The following DST variants were observed in gnomAD, a reference collection of about 807,000 sequenced individuals.
DST encodes the protein dystonin.
Under a neutral mutation model 875.2 loss-of-function variants are expected in DST, and 253 were observed. The observed-to-expected ratio is 0.29, with a 90% CI of 0.26 to 0.32. The LOEUF is 0.32. Ranked by LOEUF, DST falls within the 10% of genes least tolerant of loss-of-function variation. DST has a pLI of 1.00. For synonymous variants in DST, 3,124 were observed against 3,197.1 expected, an observed-to-expected ratio of 0.98 and a Z score of 0.77; for missense variants, 8,287 against 9,111.6, an observed-to-expected ratio of 0.91 and a Z score of 3.68.
At chr6:56,823,121 T>G (rs1237813833) in intron 4 of DST, among the ~76,000 whole-genome samples, 1 of 151,876 alleles carries the variant, frequency 6.6e-6, no homozygotes, top group East Asian at 1.9e-4. Flanking sequence ...GTGGTGAGCC[T>G]ACACTATCTC....
chr6:56,527,432 G>A, intron 68 of DST, 61 bp downstream of exon 68: 1 of 1,539,780 alleles, frequency 6.5e-7, no homozygotes, highest in South Asian at 1.3e-5. Context: ...TTTTATTTTT[G>A]TGTGAATAAG....
At chr6:56,574,501 A>C (rs1562899303) in intron 50 of DST, among the ~76,000 whole-genome samples, 1 of 152,224 alleles carries the variant, frequency 6.6e-6, no homozygotes, top group Non-Finnish European at 1.5e-5. Flanking sequence ...ATGAAAATCC[A>C]TTTAAAGTTA....
intron 5 of DST, among the ~76,000 whole-genome samples, chr6:56,709,483 T>C (rs970219673): frequency 1.4e-4 from 21 of 152,006 alleles, no homozygotes; most frequent in Admixed American, 3.9e-4. Context: ...AGAATCATTA[T>C]ATAACTGCTT....
At chr6:56,772,133 T>C (rs1459357735) in intron 4 of DST, among the ~76,000 whole-genome samples, 1 of 152,198 alleles carries the variant, frequency 6.6e-6, no homozygotes, top group Non-Finnish European at 1.5e-5. Context: ...AAAGCTGACA[T>C]GTCAAAATCT....
chr6:56,482,099 A>G lies in DST; in HGVS notation c.21482T>C (p.Val7161Ala). ...EAEQTLRFHG[V>A]LPDDEDALRT... The stretch of plus-strand genomic sequence containing the variant: ...GAGAGCATCCTCATCATCTGGGAGG[A>G]CACCATGGAAACGCAGGGTTTGCTC... The change falls in exon 90 of 104, where the codon GTC (valine) becomes GCC (alanine). Residue 7161 changes from valine to alanine, a missense_variant. Physicochemically the swap from Val to Ala is moderately conservative, Grantham distance 64. Coordinates refer to ENST00000680361, the MANE Select transcript of DST (RefSeq NM_001374736.1). The G allele has an allele frequency of 1.2e-6, 2 of 1,613,726 alleles. No homozygotes were observed. The highest frequency in any genetic ancestry group is 1.7e-6 in the Non-Finnish European group (2 of 1,179,792).
At chr6:56,871,787 A>G (rs1336698731) in intron 3 of DST, 9 of 339,516 alleles carry the variant, frequency 2.7e-5, no homozygotes, top group Non-Finnish European at 4.9e-5. Context: ...AAAAAAAAAA[A>G]AAAAAAAAGA....
At chr6:56,721,592 G>A (rs111296464) in intron 5 of DST, among the ~76,000 whole-genome samples, 2,024 of 152,238 alleles carry the variant, frequency 0.013, 40 homozygotes, top group African/African-American at 0.046. Context: ...CCTGACTTCC[G>A]GCAACAGAGA....
intron 4 of DST, among the ~76,000 whole-genome samples, chr6:56,738,567 G>A (rs991217983): frequency 7.2e-5 from 11 of 152,020 alleles, no homozygotes; most frequent in East Asian, 1.9e-4. Flanking sequence ...TGATCGGCCC[G>A]CCTCAGCCTC....
chr6:56,696,363 T>C (rs1405914880), intron 9 of DST, among the ~76,000 whole-genome samples: 1 of 152,118 alleles, frequency 6.6e-6, no homozygotes, highest in African/African-American at 2.4e-5. Context: ...GGTTTCTCCA[T>C]GTTGGTCAGG....
intron 2 of DST, among the ~76,000 whole-genome samples, chr6:56,950,013 T>C (rs993005689): frequency 2.0e-5 from 3 of 152,196 alleles, no homozygotes; most frequent in African/African-American, 7.2e-5. Context: ...TTCAGTATTA[T>C]AAGAAATGTC....
At chr6:56,907,195 C>T (rs1357962041) in intron 2 of DST, among the ~76,000 whole-genome samples, 1 of 152,204 alleles carries the variant, frequency 6.6e-6, no homozygotes, top group Non-Finnish European at 1.5e-5. Context: ...TTTGTTTGTT[C>T]TAACCAGACA....
At chr6:56,740,047 G>C (rs372243487) in intron 4 of DST, among the ~76,000 whole-genome samples, 6 of 152,220 alleles carry the variant, frequency 3.9e-5, no homozygotes, top group African/African-American at 1.4e-4. Context: ...TTTTAGACAG[G>C]GTTTCGCCAT....
intron 55 of DST, among the ~76,000 whole-genome samples, chr6:56,565,287 A>T (rs1375319765): frequency 1.3e-5 from 2 of 151,570 alleles, no homozygotes; most frequent in South Asian, 4.2e-4. Context: ...AGCCCAGTTA[A>T]TTTTTGTATT....
chr6:56,797,651 T>C (rs949545249), intron 4 of DST, among the ~76,000 whole-genome samples: 3 of 151,808 alleles, frequency 2.0e-5, no homozygotes, highest in African/African-American at 7.3e-5. Context: ...AAACCCTATC[T>C]CTACTAAAAA....
At position 56,633,194 on chromosome 6, in the gene DST, G is replaced by GTTTT. The variant is rs371284798; in HGVS notation, c.3622-158_3622-157insAAAA. On this transcript the variant is annotated intron_variant, in intron 27 of 103. Coordinates refer to ENST00000680361, the MANE Select transcript of DST (RefSeq NM_001374736.1). ...GTCTTTTTCATTAACAATTTTAGGT[G>GTTTT]GTTTTTTTTTGTTTTTTGTTTTGAG... Among the ~76,000 whole-genome samples, 1,472 of 149,696 alleles carry GTTTT rather than the reference G, an allele frequency of 9.8e-3. 23 individuals are homozygous for GTTTT. Among genetic ancestry groups the GTTTT allele is most frequent in the African/African-American group, 0.035 (1,390 of 39,314 alleles).
intron 4 of DST, among the ~76,000 whole-genome samples, chr6:56,758,007 T>A (rs567929170): frequency 1.3e-5 from 2 of 152,312 alleles, no homozygotes; most frequent in Admixed American, 6.5e-5. Flanking sequence ...AAGAGCTCTT[T>A]GAAATGGAAA....
intron 15 of DST, among the ~76,000 whole-genome samples, chr6:56,645,627 C>T (rs1385410271): frequency 2.6e-5 from 4 of 152,228 alleles, no homozygotes; most frequent in African/African-American, 7.2e-5. Context: ...AACTGTAAAG[C>T]CTTATTAGAT....
At chr6:56,831,113 AATTATT>A (rs1347752440) in intron 4 of DST, among the ~76,000 whole-genome samples, 5 of 152,198 alleles carry the variant, frequency 3.3e-5, no homozygotes, top group African/African-American at 9.6e-5. Flanking sequence ...AAAGTGCTAA[AATTATT>A]ATGATCATCA....
intron 37 of DST, among the ~76,000 whole-genome samples, chr6:56,613,429 T>C (rs1370185895): frequency 6.6e-6 from 1 of 152,194 alleles, no homozygotes; most frequent in Non-Finnish European, 1.5e-5. Flanking sequence ...GGCACTGGTG[T>C]TCTCCCCTAT....
Sources: allele counts gnomAD v4.1 joint callset (sites outside exome capture counted in the v4.1 genomes callset), GRCh38; gene constraint gnomAD v4.1.1; transcripts MANE v1.5; gene names NCBI Gene and HGNC (gene_info 2026-07-23, HGNC 2026-07-21).